The following PXDNL variants were observed in gnomAD, a reference collection of about 807,000 sequenced individuals.
PXDNL encodes the protein probable oxidoreductase PXDNL.
In PXDNL, 145 loss-of-function variants were observed where a neutral mutation model predicts 150.8. The observed-to-expected ratio is 0.96, with a 90% CI of 0.84 to 1.10. The LOEUF is 1.10. Ranked by LOEUF, PXDNL falls within the 50% of genes least tolerant of loss-of-function variation. PXDNL has a pLI of 0.00. For synonymous variants in PXDNL, 757 were observed against 725.7 expected (o/e 1.04, Z -0.69); for missense variants, 2,087 against 1,873.9 (o/e 1.11, Z -2.10).
chr8:51,638,233 C>T lies in PXDNL; in HGVS notation c.236+16456G>A, dbSNP rs1814651574. On this transcript the variant is annotated intron_variant, in intron 2 of 22. Coordinates refer to ENST00000356297, the MANE Select transcript of PXDNL (RefSeq NM_144651.5). ...CATGGAAAGGAACAACCGGTACCAGCCACTGCAAAAACATGCCAAATTGTA... is the reference window on the plus strand; with the variant it reads ...CATGGAAAGGAACAACCGGTACCAGTCACTGCAAAAACATGCCAAATTGTA... 2.0e-5 allele frequency among the ~76,000 whole-genome samples: 3 copies of T among 152,262 alleles called. 1 individual carries two copies. The South Asian group carries it at 6.2e-4, about 32-fold the overall frequency.
At chr8:51,399,377 A>G (rs1292020563) in intron 17 of PXDNL, among the ~76,000 whole-genome samples, 1 of 152,238 alleles carries the variant, frequency 6.6e-6, no homozygotes, top group Non-Finnish European at 1.5e-5. Flanking sequence ...GTATATTCAT[A>G]CAAACAATAC....
intron 4 of PXDNL, among the ~76,000 whole-genome samples, chr8:51,530,769 C>T (rs1811882966): frequency 6.6e-6 from 1 of 152,204 alleles, no homozygotes; most frequent in African/African-American, 2.4e-5. Flanking sequence ...TCCCTACACC[C>T]TATTTAACAC....
chr8:51,424,853 G>A (rs867016671), intron 13 of PXDNL, among the ~76,000 whole-genome samples: 19 of 152,116 alleles, frequency 1.2e-4, no homozygotes, highest in Non-Finnish European at 2.5e-4. Context: ...ACAGGTCTTC[G>A]GATTCTCACA....
At chr8:51,718,933 C>T (rs1273040935) in intron 1 of PXDNL, among the ~76,000 whole-genome samples, 4 of 151,884 alleles carry the variant, frequency 2.6e-5, no homozygotes, top group East Asian at 1.9e-4. Flanking sequence ...CCGCCCCGTC[C>T]GGGAGGGAGG....
intron 12 of PXDNL, among the ~76,000 whole-genome samples, chr8:51,445,219 G>A (rs1809647931): frequency 1.3e-5 from 2 of 151,970 alleles, no homozygotes; most frequent in Admixed American, 6.6e-5. Context: ...CACCACGCTC[G>A]CCCCAGGTTA....
intron 1 of PXDNL, among the ~76,000 whole-genome samples, chr8:51,659,559 C>T (rs1815224246): frequency 6.6e-6 from 1 of 152,164 alleles, no homozygotes; most frequent in Non-Finnish European, 1.5e-5. Flanking sequence ...CATGAACTAG[C>T]TCCACGCGAA....
intron 21 of PXDNL, among the ~76,000 whole-genome samples, chr8:51,323,099 C>A (rs1174608146): frequency 6.6e-6 from 1 of 152,080 alleles, no homozygotes; most frequent in Non-Finnish European, 1.5e-5. Context: ...ACAAAAAAAT[C>A]TCTAAAGATA....
intron 1 of PXDNL, among the ~76,000 whole-genome samples, chr8:51,776,476 A>C (rs2037355036): frequency 6.6e-6 from 1 of 152,120 alleles, no homozygotes; most frequent in East Asian, 1.9e-4. Flanking sequence ...CGACACTTAG[A>C]GAAATAGAAA....
chr8:51,696,941 A>G (rs575307542), intron 1 of PXDNL, among the ~76,000 whole-genome samples: 7 of 90,194 alleles, frequency 7.8e-5, no homozygotes, highest in African/African-American at 2.6e-4. Flanking sequence ...GCAGAAACCA[A>G]TAAACACTAA....
chr8:51,345,812 A>G (rs1344459637), intron 20 of PXDNL, 21 bp downstream of exon 20: 2 of 1,460,516 alleles, frequency 1.4e-6, no homozygotes, highest in Non-Finnish European at 1.9e-6. Context: ...GCCTAAAGAA[A>G]TGAGATATTT....
At chr8:51,429,114 T>C (rs1163627298) in intron 12 of PXDNL, among the ~76,000 whole-genome samples, 2 of 152,134 alleles carry the variant, frequency 1.3e-5, no homozygotes, top group African/African-American at 4.8e-5. Flanking sequence ...GACATGCAAA[T>C]TAAAACCACA....
At chr8:51,322,147 C>G (rs149893818) in intron 21 of PXDNL, among the ~76,000 whole-genome samples, 2 of 152,122 alleles carry the variant, frequency 1.3e-5, no homozygotes, top group Admixed American at 1.3e-4. Context: ...ACACTTTGAT[C>G]GTGGACTTTC....
intron 1 of PXDNL, among the ~76,000 whole-genome samples, chr8:51,780,168 C>T (rs1026990444): frequency 1.4e-4 from 21 of 152,030 alleles, no homozygotes; most frequent in Admixed American, 1.2e-3. Context: ...GCCAGGATCA[C>T]GCTGCTGCAC....
At chr8:51,398,994 T>C (rs1163804360) in intron 17 of PXDNL, among the ~76,000 whole-genome samples, 2 of 152,088 alleles carry the variant, frequency 1.3e-5, no homozygotes, top group Non-Finnish European at 2.9e-5. Flanking sequence ...AAATTTCACT[T>C]GATATATATA....
chr8:51,419,463 C>A (rs1190139002), intron 14 of PXDNL, among the ~76,000 whole-genome samples: 3 of 152,124 alleles, frequency 2.0e-5, no homozygotes, highest in African/African-American at 4.8e-5. Flanking sequence ...TGAGAGAGTT[C>A]AGGTCCATCT....
chr8:51,441,194 C>T (rs1039464002), intron 12 of PXDNL, among the ~76,000 whole-genome samples: 3 of 152,134 alleles, frequency 2.0e-5, no homozygotes, highest in Admixed American at 6.5e-5. Flanking sequence ...CTCCTGCCAC[C>T]GTGTGAAGAG....
chr8:51,632,037 A>G (rs10094116), intron 2 of PXDNL, among the ~76,000 whole-genome samples: 7,923 of 152,206 alleles, frequency 0.052, 272 homozygotes, highest in African/African-American at 0.1. Context: ...GAGTTCTCCA[A>G]TCAAAAGGCA....
At chr8:51,482,734 C>T (rs1810631448) in intron 6 of PXDNL, among the ~76,000 whole-genome samples, 1 of 152,212 alleles carries the variant, frequency 6.6e-6, no homozygotes, top group South Asian at 2.1e-4. Flanking sequence ...TTGCCTGCCA[C>T]CATGTAAGAC....
intron 19 of PXDNL, among the ~76,000 whole-genome samples, chr8:51,356,743 C>T (rs1356247400): frequency 2.0e-5 from 3 of 152,122 alleles, no homozygotes; most frequent in African/African-American, 4.8e-5. Context: ...TAGCATTTGT[C>T]TCATGAGGTT....
Sources: gnomAD v4.1 joint callset for allele counts (sites outside exome capture counted in the v4.1 genomes callset) on GRCh38, gnomAD v4.1.1 for gene constraint, MANE v1.5 for transcripts, NCBI Gene and HGNC (gene_info 2026-07-23, HGNC 2026-07-21) for gene names.